Variants in MME observed in about 807,000 individuals in gnomAD.
MME encodes the protein neprilysin.
In MME, 98 loss-of-function variants were observed where a neutral mutation model predicts 113.2. The observed-to-expected ratio is 0.87, with a 90% CI of 0.74 to 1.02. MME has a LOEUF of 1.02. Ranked by LOEUF, MME falls within the 50% of genes least tolerant of loss-of-function variation. MME has a pLI of 0.00. For synonymous variants in MME, 292 were observed against 300.6 expected, an observed-to-expected ratio of 0.97 and a Z score of 0.30; for missense variants, 836 against 896.0, an observed-to-expected ratio of 0.93 and a Z score of 0.86.
Position 155,072,076 on chromosome 3 carries a change from G to A in MME, c.-10-12082G>A, listed in dbSNP as rs573811496. ...CTGGGGAGGCTGAGGCAGGAGAATGGCATGAACCCGGGAAGCGGAGCTTGC... is the reference window on the plus strand; with the variant it reads ...CTGGGGAGGCTGAGGCAGGAGAATGACATGAACCCGGGAAGCGGAGCTTGC... On this transcript the variant is annotated intron_variant, in intron 1 of 22. Coordinates refer to the MME transcript ENST00000492661. Among the ~76,000 whole-genome samples, 22 of 146,886 alleles carry A rather than the reference G, an allele frequency of 1.5e-4. No individual in the cohort carries two copies. In the South Asian group the frequency reaches 4.8e-3, roughly 32 times the overall value.
At chr3:155,154,197 T>C (rs1321355599) in intron 16 of MME, among the ~76,000 whole-genome samples, 2 of 152,154 alleles carry the variant, frequency 1.3e-5, no homozygotes, top group African/African-American at 4.8e-5. Flanking sequence ...GTGTTTTTTT[T>C]CTAATCTGGT....
intron 1 of MME, among the ~76,000 whole-genome samples, chr3:155,072,585 T>G (rs1714618291): frequency 6.6e-6 from 1 of 152,234 alleles, no homozygotes; most frequent in South Asian, 2.1e-4. Context: ...TTGGTTGGTT[T>G]GTTGGTTTGT....
In MME at chr3:155,115,107, T is replaced by TA; in HGVS notation, c.311dup (p.Tyr104Ter). The change falls in exon 4 of 23, where the codon TAC becomes TAAC. Residue 104 changes from tyrosine (Y) to a stop codon, truncating the protein, a stop_gained and frameshift_variant. Transcript: ENST00000360490. LOFTEE classifies it high-confidence loss of function. ...RNVIPETSSR[Y>*]GNFDILRDEL... is the part of the protein sequence containing the mutation. ...TGTCATTCCCGAGACCAGCTCCCGTTACGGCAACTTTGACATTTTAAGAGA... is the reference window on the plus strand; with the variant it reads ...TGTCATTCCCGAGACCAGCTCCCGTTAACGGCAACTTTGACATTTTAAGAGA... The TA allele has an allele frequency of 6.2e-7, 1 of 1,614,176 alleles. No individual in the cohort carries two copies. Among genetic ancestry groups the TA allele is most frequent in the Non-Finnish European group, 8.5e-7 (1 of 1,180,024 alleles).
chr3:155,178,788 C>T (rs2108389030), intron 22 of MME, among the ~76,000 whole-genome samples: 1 of 152,296 alleles, frequency 6.6e-6, no homozygotes, highest in Admixed American at 6.5e-5. Flanking sequence ...AATGTAAATG[C>T]TATGTAAATA....
chr3:155,063,666 T>C (rs1714267684), intron 1 of MME, among the ~76,000 whole-genome samples: 1 of 113,128 alleles, frequency 8.8e-6, no homozygotes, highest in African/African-American at 3.5e-5. Flanking sequence ...ATATAACATA[T>C]TATATATTAT....
At chr3:155,043,363 C>G (rs1713426669) in intron 1 of MME, among the ~76,000 whole-genome samples, 1 of 148,528 alleles carries the variant, frequency 6.7e-6, no homozygotes, top group Middle Eastern at 3.5e-3. Flanking sequence ...CGGAGTTTCT[C>G]TCTTGTTGCC....
At position 155,100,241 on chromosome 3, in the gene MME, G is replaced by C. The variant is rs566217138; in HGVS notation, c.197-14753G>C. On this transcript the variant is annotated intron_variant, in intron 3 of 22. Coordinates refer to ENST00000360490, the MANE Select transcript of MME (RefSeq NM_007289.4). ...GCAACCCCATCAAAAAGTGGGCAAA[G>C]GATATGAACAGACACTTCTCAAAAG... Among the ~76,000 whole-genome samples, 3 of 152,306 alleles carry C rather than the reference G, an allele frequency of 2.0e-5. No homozygotes were observed. In the East Asian group the frequency reaches 5.8e-4, roughly 29 times the overall value.
intron 4 of MME, 89 bp downstream of exon 4, chr3:155,115,244 G>A: frequency 6.7e-7 from 1 of 1,485,416 alleles, no homozygotes; most frequent in Non-Finnish European, 9.2e-7. Context: ...TACAAGGAAT[G>A]TCACAGAAGA....
At chr3:155,088,280 A>G (rs1041430102) in intron 3 of MME, among the ~76,000 whole-genome samples, 1 of 152,134 alleles carries the variant, frequency 6.6e-6, no homozygotes, top group African/African-American at 2.4e-5. Context: ...AAATACAACT[A>G]TTTCTTTTAG....
intron 1 of MME, among the ~76,000 whole-genome samples, chr3:155,039,916 T>A (rs1713253144): frequency 6.6e-6 from 1 of 152,018 alleles, no homozygotes; most frequent in African/African-American, 2.4e-5. Flanking sequence ...CTGATTAATA[T>A]AATTTTGAAA....
intron 5 of MME, 31 bp downstream of exon 5, chr3:155,116,590 G>GTACATATA: frequency 8.1e-7 from 1 of 1,239,224 alleles, no homozygotes; most frequent in Non-Finnish European, 1.1e-6. Flanking sequence ...TTCATTAGGA[G>GTACATATA]TATATATATA....
Position 155,116,867 on chromosome 3 carries a change from G to T in MME, c.536-1G>T, listed in dbSNP as rs759072209. The T allele has an allele frequency of 6.3e-7, 1 of 1,591,852 alleles. No individual in the cohort carries two copies. Among genetic ancestry groups the T allele is most frequent in the Non-Finnish European group, 8.6e-7 (1 of 1,160,210 alleles). ...ATATATTTTATCTTTTATTGCTTTA[G>T]GTGCTTCTTGGACAGCTGAAAAAGC... On this transcript the variant is annotated splice_acceptor_variant, in intron 6 of 22. Transcript: ENST00000360490. LOFTEE classifies it high-confidence loss of function.
rs747583002 is a variant in MME, at chr3:155,172,578, A to G, written c.2119A>G (p.Ile707Val). The change falls in exon 22 of 23, where the codon ATT (isoleucine) becomes GTT (valine). Residue 707 changes from isoleucine (I) to valine (V), a missense_variant. Physicochemically the swap from Ile to Val is conservative, Grantham distance 29 (BLOSUM62 3). Coordinates refer to ENST00000360490, the MANE Select transcript of MME (RefSeq NM_007289.4). ...TYRPEYAVNS[I>V]KTDVHSPGNF... ...TAGGCCAGAGTATGCGGTTAACTCC[A>G]TTAAAACAGATGTGCACAGTCCAGG... The G allele has an allele frequency of 6.2e-7, 1 of 1,613,126 alleles. No homozygotes were observed. The highest frequency in any genetic ancestry group is 1.7e-5 in the Admixed American group (1 of 59,978).
chr3:155,087,242 C>T (rs781680217), intron 3 of MME, among the ~76,000 whole-genome samples: 1 of 116,302 alleles, frequency 8.6e-6, no homozygotes, highest in Non-Finnish European at 1.7e-5. Flanking sequence ...TGAATCTGTG[C>T]CCTTTGGTTT....
intron 3 of MME, among the ~76,000 whole-genome samples, chr3:155,100,305 T>C (rs987122032): frequency 2.0e-5 from 3 of 152,178 alleles, no homozygotes; most frequent in Non-Finnish European, 2.9e-5. Context: ...GAAAAAATGC[T>C]CATCATCACT....
chr3:155,067,811 G>A (rs1414075115), intron 1 of MME, among the ~76,000 whole-genome samples: 1 of 152,104 alleles, frequency 6.6e-6, no homozygotes, highest in Admixed American at 6.5e-5. Context: ...TAGGGCAAAT[G>A]GAATGCTTAT....
In MME at chr3:155,148,344, C is replaced by T. The variant is rs61758206; in HGVS notation, c.1498-206C>T. 4.7e-3 allele frequency among the ~76,000 whole-genome samples: 710 copies of T among 152,126 alleles called. 3 individuals carry two copies. The highest frequency in any genetic ancestry group is 0.017 in the Middle Eastern group (5 of 294). On this transcript the variant is annotated intron_variant, in intron 15 of 22. Transcript: ENST00000360490. ...CATTTGATTATTATAAAATAATACACTGAATTTGTGATTTGGCTGGAATAC... is the reference window on the plus strand; with the variant it reads ...CATTTGATTATTATAAAATAATACATTGAATTTGTGATTTGGCTGGAATAC...
At chr3:155,107,376 A>T (rs1467022865) in intron 3 of MME, among the ~76,000 whole-genome samples, 1 of 151,388 alleles carries the variant, frequency 6.6e-6, no homozygotes, top group African/African-American at 2.4e-5. Context: ...AAAAAGGAAT[A>T]GTCAACGGAG....
At chr3:155,089,870 G>C (rs1291146067) in intron 3 of MME, 1 of 452,408 alleles carries the variant, frequency 2.2e-6, no homozygotes, top group Admixed American at 2.4e-5. Flanking sequence ...AGAGGGAGGA[G>C]AATTGCTTGA....
Sources: allele counts gnomAD v4.1 joint callset (sites outside exome capture counted in the v4.1 genomes callset), GRCh38; gene constraint gnomAD v4.1.1; transcripts MANE v1.5; gene names NCBI Gene and HGNC (gene_info 2026-07-23, HGNC 2026-07-21).